Variants in MAGI3 observed in about 807,000 individuals in gnomAD.
The protein encoded by MAGI3 is membrane associated guanylate kinase, WW and PDZ domain containing 3.
MAGI3 carries 43 observed loss-of-function variants against 121.8 expected under a neutral mutation model. The ratio of observed to expected loss-of-function variants is 0.35; its 90% CI spans 0.28 to 0.46. MAGI3 has a LOEUF of 0.46. Among genes scored for constraint, MAGI3 ranks in the 20% least tolerant of loss-of-function variants. The probability of loss-of-function intolerance (pLI) is 1.00; values close to 1 mark genes in which losing one functional copy is unlikely to be tolerated. For missense variants in MAGI3, 1,547 were observed against 1,797.3 expected, an observed-to-expected ratio of 0.86 and a Z score of 2.52; for synonymous variants, 553 against 639.3, an observed-to-expected ratio of 0.86 and a Z score of 2.04.
At chr1:113,471,319 A>C (rs1486389572) in intron 1 of MAGI3, among the ~76,000 whole-genome samples, 2 of 152,238 alleles carry the variant, frequency 1.3e-5, no homozygotes, top group Non-Finnish European at 2.9e-5. Flanking sequence ...AACAGGAAGA[A>C]AATTGAAAAA....
chr1:113,606,222 C>A (rs1649764945), intron 6 of MAGI3, among the ~76,000 whole-genome samples: 1 of 152,108 alleles, frequency 6.6e-6, no homozygotes, highest in South Asian at 2.1e-4. Flanking sequence ...CCACCTCAGG[C>A]TCCCAAAGTG....
intron 3 of MAGI3, 66 bp downstream of exon 3, chr1:113,580,727 G>T: frequency 7.0e-7 from 1 of 1,432,744 alleles, no homozygotes; most frequent in South Asian, 1.7e-5. Context: ...TATTTCAGAG[G>T]GAATTTGACC....
intron 2 of MAGI3, 111 bp downstream of exon 2, chr1:113,549,742 T>C (rs1659687628): frequency 8.8e-6 from 5 of 568,704 alleles, no homozygotes; most frequent in Non-Finnish European, 1.5e-5. Flanking sequence ...GAAGACTAAG[T>C]TGGGAACAAG....
intron 1 of MAGI3, among the ~76,000 whole-genome samples, chr1:113,510,853 G>T (rs545656339): frequency 1.3e-5 from 2 of 152,034 alleles, no homozygotes; most frequent in Non-Finnish European, 1.5e-5. Flanking sequence ...ATCTTCACAC[G>T]CACTGTTTGC....
intron 1 of MAGI3, among the ~76,000 whole-genome samples, chr1:113,432,266 G>A (rs1409769182): frequency 2.6e-5 from 4 of 152,042 alleles, no homozygotes; most frequent in Non-Finnish European, 5.9e-5. Context: ...CCTTGTTCTA[G>A]CACTTTATAT....
chr1:113,659,346 C>T (rs1189792737), intron 16 of MAGI3, 81 bp downstream of exon 16: 1 of 1,359,520 alleles, frequency 7.4e-7, no homozygotes, highest in East Asian at 2.3e-5. Flanking sequence ...TCCTCCAGCA[C>T]TGCCAGAATC....
chr1:113,598,220 C>T (rs1236120246), intron 6 of MAGI3, among the ~76,000 whole-genome samples: 1 of 147,456 alleles, frequency 6.8e-6, no homozygotes, highest in Non-Finnish European at 1.5e-5. Context: ...TGCCATCCCC[C>T]CACCCCCCCT....
chr1:113,549,813 A>G (rs2101669152), intron 2 of MAGI3, among the ~76,000 whole-genome samples, 182 bp downstream of exon 2: 1 of 152,280 alleles, frequency 6.6e-6, no homozygotes, highest in Middle Eastern at 3.4e-3. Context: ...TTTTGTTTTT[A>G]AAAGTAGAAA....
chr1:113,558,538 C>T (rs1482279730), intron 2 of MAGI3, among the ~76,000 whole-genome samples: 1 of 151,856 alleles, frequency 6.6e-6, no homozygotes, highest in Non-Finnish European at 1.5e-5. Context: ...TGAACAAAAC[C>T]TCCGAGAAAT....
chr1:113,458,252 A>G (rs1407744890), intron 1 of MAGI3, among the ~76,000 whole-genome samples: 2 of 152,196 alleles, frequency 1.3e-5, no homozygotes, highest in Non-Finnish European at 2.9e-5. Context: ...TCAGGGCAGC[A>G]AGTAGAATTT....
intron 1 of MAGI3, among the ~76,000 whole-genome samples, chr1:113,497,208 G>C (rs1656963617): frequency 6.7e-6 from 1 of 150,138 alleles, no homozygotes; most frequent in African/African-American, 2.4e-5. Flanking sequence ...AGTGAGCTAA[G>C]ATCACACCAC....
chr1:113,412,936 T>A (rs553168166), intron 1 of MAGI3, among the ~76,000 whole-genome samples: 2 of 152,130 alleles, frequency 1.3e-5, no homozygotes, highest in Admixed American at 6.6e-5. Context: ...GGTGTTTTAG[T>A]CATGAAGTCC....
In MAGI3 at chr1:113,683,844, G is replaced by C; in HGVS notation, c.4276G>C (p.Asp1426His). ...GAAGGTAGTTTCAAACAAAACAGAA[G>C]ATCACAAAGGGAAAGAACTAGAGGC... Reference protein sequence around the residue: ...EEKVVSNKTEDHKGKELEAAD... With the variant: ...EEKVVSNKTEHHKGKELEAAD... The change falls in exon 21 of 21, where the codon GAT becomes CAT. Residue 1426 changes from aspartate (D) to histidine (H), a missense_variant. Physicochemically the swap from Asp to His is moderately conservative, Grantham distance 81 (BLOSUM62 -1). Coordinates refer to ENST00000307546, the MANE Select transcript of MAGI3 (RefSeq NM_001142782.2). The C allele has an allele frequency of 6.2e-7, 1 of 1,612,286 alleles. No homozygotes were observed. The highest frequency in any genetic ancestry group is 2.2e-5 in the East Asian group (1 of 44,862).
intron 9 of MAGI3, among the ~76,000 whole-genome samples, chr1:113,632,378 A>G (rs1651687826): frequency 6.6e-6 from 1 of 152,248 alleles, no homozygotes. Flanking sequence ...TTGCATGGCA[A>G]TACAATATTT....
At chr1:113,652,765 C>T (rs1330856278) in intron 14 of MAGI3, among the ~76,000 whole-genome samples, 2 of 151,976 alleles carry the variant, frequency 1.3e-5, no homozygotes, top group Non-Finnish European at 2.9e-5. Context: ...TTATTATTAA[C>T]GATGGTTTGT....
intron 6 of MAGI3, among the ~76,000 whole-genome samples, chr1:113,612,622 A>C (rs1650224690): frequency 1.5e-5 from 1 of 65,798 alleles, no homozygotes; most frequent in Admixed American, 1.1e-4. Context: ...TGTGAAAACA[A>C]AACAAAACCA....
intron 1 of MAGI3, among the ~76,000 whole-genome samples, chr1:113,528,714 A>C (rs1658570712): frequency 6.6e-6 from 1 of 152,174 alleles, no homozygotes; most frequent in African/African-American, 2.4e-5. Context: ...ATTCTTAGGT[A>C]AATAAGAATT....
intron 1 of MAGI3, among the ~76,000 whole-genome samples, chr1:113,463,420 C>A (rs1655128430): frequency 6.6e-6 from 1 of 150,996 alleles, no homozygotes; most frequent in Admixed American, 6.7e-5. Flanking sequence ...GAGGTAGAAA[C>A]CTGTGATATA....
chr1:113,572,870 GT>G (rs956968594), intron 2 of MAGI3, among the ~76,000 whole-genome samples: 3 of 150,828 alleles, frequency 2.0e-5, no homozygotes, highest in Admixed American at 1.3e-4. Flanking sequence ...TTTGGAGGGT[GT>G]TTCATGTCTC....
Sources: allele counts gnomAD v4.1 joint callset (sites outside exome capture counted in the v4.1 genomes callset), GRCh38; gene constraint gnomAD v4.1.1; transcripts MANE v1.5; gene names NCBI Gene and HGNC (gene_info 2026-07-23, HGNC 2026-07-21).